Variants in NEDD4L observed in about 807,000 individuals in gnomAD.
The protein encoded by NEDD4L is NEDD4 like E3 ubiquitin protein ligase, also known as E3 ubiquitin-protein ligase NEDD4-like.
In NEDD4L, 54 loss-of-function variants were observed where a neutral mutation model predicts 148.9. The observed-to-expected ratio is 0.36, with a 90% CI of 0.29 to 0.45. The LOEUF is 0.45. Ranked by LOEUF, NEDD4L falls within the 20% of genes least tolerant of loss-of-function variation. The pLI is 1.00. For missense variants in NEDD4L, 856 were observed against 1,233.8 expected (o/e 0.69, Z 4.59); for synonymous variants, 433 against 440.7 (o/e 0.98, Z 0.22).
intron 6 of NEDD4L, among the ~76,000 whole-genome samples, chr18:58,316,668 A>G (rs2058303289): frequency 1.3e-5 from 2 of 152,222 alleles, no homozygotes; most frequent in African/African-American, 4.8e-5. Context: ...AGTGACGGGC[A>G]TTAGGGCTGA....
intron 1 of NEDD4L, among the ~76,000 whole-genome samples, chr18:58,056,394 A>G (rs1468336600): frequency 1.3e-5 from 2 of 152,138 alleles, no homozygotes; most frequent in Non-Finnish European, 2.9e-5. Flanking sequence ...CATGGGAACT[A>G]GTTATGTTGT....
intron 2 of NEDD4L, among the ~76,000 whole-genome samples, chr18:58,227,447 G>T (rs556546285): frequency 6.6e-6 from 1 of 152,148 alleles, no homozygotes; most frequent in Non-Finnish European, 1.5e-5. Context: ...TCAGTATTTG[G>T]AGGTGAGTTG....
At chr18:58,063,170 C>A (rs567938067) in intron 1 of NEDD4L, among the ~76,000 whole-genome samples, 1 of 150,250 alleles carries the variant, frequency 6.7e-6, no homozygotes, top group East Asian at 2.0e-4. Flanking sequence ...CACAGCCTCC[C>A]AAGCAGCTGG....
chr18:58,174,454 C>T (rs2037881497), intron 2 of NEDD4L, among the ~76,000 whole-genome samples: 1 of 152,264 alleles, frequency 6.6e-6, no homozygotes, highest in East Asian at 1.9e-4. Context: ...ACCGGGGACC[C>T]GCCCCTATCT....
At chr18:58,308,250 T>G (rs935939133) in intron 5 of NEDD4L, among the ~76,000 whole-genome samples, 2 of 152,218 alleles carry the variant, frequency 1.3e-5, no homozygotes, top group African/African-American at 4.8e-5. Flanking sequence ...ATGTTTTAGT[T>G]TATTCAGCAG....
In NEDD4L at chr18:58,092,818, CAA is replaced by C. The variant is rs56749032; in HGVS notation, c.48+48125_48+48126del. 7.1e-3 allele frequency among the ~76,000 whole-genome samples: 800 copies of C among 112,578 alleles called. 9 individuals carry two copies. The highest frequency in any genetic ancestry group is 0.022 in the African/African-American group (732 of 32,954). 73.9% of individuals were successfully genotyped at this position (112,578 alleles called of 152,430 possible). A position where few individuals can be genotyped will look rare whatever the true frequency, so the allele number is the denominator to read the frequency against. ...AAAGGTAAAATTCTCTCCCTGGTACCAAAAAAAAAAAAAAAATCCATGTACTC... is the reference window on the plus strand; with the variant it reads ...AAAGGTAAAATTCTCTCCCTGGTACCAAAAAAAAAAAAAATCCATGTACTC... On this transcript the variant is annotated intron_variant, in intron 1 of 30. Coordinates refer to ENST00000400345, the MANE Select transcript of NEDD4L (RefSeq NM_001144967.3).
At chr18:58,321,273 A>G (rs1038648869) in intron 6 of NEDD4L, among the ~76,000 whole-genome samples, 91 of 152,276 alleles carry the variant, frequency 6.0e-4, no homozygotes, top group African/African-American at 2.2e-3. Flanking sequence ...GATGGTGGGA[A>G]CTCTAAAGGA....
chr18:58,393,610 C>G lies in NEDD4L; in HGVS notation c.2825+2051C>G, dbSNP rs1269394417. ...GACTGGCAGTTGCAAGCAACACTGG[C>G]TAGCATGAGTGGGACTGTTCTGCTG... On this transcript the variant is annotated intron_variant, in intron 30 of 30. Transcript: ENST00000400345. Among the ~76,000 whole-genome samples the G allele has an allele frequency of 2.6e-5, 4 of 152,340 alleles. No individual in the cohort carries two copies. In the East Asian group the frequency reaches 7.7e-4, roughly 29 times the overall value.
chr18:58,129,845 T>C (rs1254819938), intron 1 of NEDD4L, among the ~76,000 whole-genome samples: 6 of 150,384 alleles, frequency 4.0e-5, no homozygotes, highest in Non-Finnish European at 8.8e-5. Context: ...GTGGTGGTGT[T>C]GGGCTCTGTT....
intron 5 of NEDD4L, among the ~76,000 whole-genome samples, chr18:58,287,569 A>T (rs1276449333): frequency 2.0e-5 from 3 of 152,200 alleles, no homozygotes; most frequent in African/African-American, 7.2e-5. Context: ...ACAGAATCTA[A>T]ACTTTTGTTC....
At chr18:58,323,638 A>G (rs1374064532) in intron 8 of NEDD4L, among the ~76,000 whole-genome samples, 1 of 152,202 alleles carries the variant, frequency 6.6e-6, no homozygotes, top group East Asian at 1.9e-4. Flanking sequence ...TATTATTGCT[A>G]TGGACTTGCA....
intron 23 of NEDD4L, 159 bp from the exon 24 acceptor site, chr18:58,373,015 A>ATTAAC: frequency 1.7e-6 from 1 of 583,998 alleles, no homozygotes. Context: ...TATAGTTTAA[A>ATTAAC]GAGGAAGGTT....
chr18:58,244,724 C>T (rs2047044091), intron 2 of NEDD4L, among the ~76,000 whole-genome samples: 2 of 151,994 alleles, frequency 1.3e-5, no homozygotes, highest in Non-Finnish European at 2.9e-5. Flanking sequence ...GAGACAGAGT[C>T]TTGCTCTGTA....
chr18:58,283,224 C>T (rs1040456388), intron 5 of NEDD4L, among the ~76,000 whole-genome samples: 10 of 152,218 alleles, frequency 6.6e-5, no homozygotes, highest in South Asian at 2.1e-4. Flanking sequence ...TACAGGTGCA[C>T]GCCACCACAC....
At chr18:58,123,484 C>G (rs887204281) in intron 1 of NEDD4L, among the ~76,000 whole-genome samples, 4 of 152,178 alleles carry the variant, frequency 2.6e-5, no homozygotes. Flanking sequence ...TGGTCCCTTC[C>G]TGTAAACAGC....
Position 58,387,420 on chromosome 18 carries a change from T to G in NEDD4L, c.2488-19T>G. On this transcript the variant is annotated intron_variant, in intron 26 of 30. Transcript: ENST00000400345. ...TTGAAGGCAATAGGTGTTTAAGATG[T>G]TTTTTTTTTTTCTTTCAGGGATTCA... The G allele has an allele frequency of 1.3e-6, 1 of 766,936 alleles. No individual in the cohort carries two copies. Among genetic ancestry groups the G allele is most frequent in the East Asian group, 4.5e-5 (1 of 22,034 alleles). 47.5% of individuals were successfully genotyped at this position (766,936 alleles called of 1,614,324 possible).
chr18:58,090,795 T>C (rs1388898330), intron 1 of NEDD4L: 1 of 152,228 alleles, frequency 6.6e-6, no homozygotes, highest in African/African-American at 2.4e-5. Flanking sequence ...TGATTTATTT[T>C]ATTTCATTTG....
At chr18:58,145,520 A>G (rs1213101116) in intron 1 of NEDD4L, among the ~76,000 whole-genome samples, 1 of 152,212 alleles carries the variant, frequency 6.6e-6, no homozygotes, top group Non-Finnish European at 1.5e-5. Context: ...GATAATGTCA[A>G]AGTATTAGTA....
intron 2 of NEDD4L, among the ~76,000 whole-genome samples, chr18:58,243,721 G>A (rs72949087): frequency 0.011 from 1,733 of 152,182 alleles, 34 homozygotes; most frequent in South Asian, 0.081. Context: ...TAAGGCTGAG[G>A]GTGTCCATAG....
Sources: allele counts gnomAD v4.1 joint callset (sites outside exome capture counted in the v4.1 genomes callset), GRCh38; gene constraint gnomAD v4.1.1; transcripts MANE v1.5; gene names NCBI Gene and HGNC (gene_info 2026-07-23, HGNC 2026-07-21).